LRRTM3: variants seen among roughly 807,000 people sequenced by gnomAD.
The protein encoded by LRRTM3 is leucine-rich repeat transmembrane neuronal protein 3.
In LRRTM3, 24 loss-of-function variants were observed where a neutral mutation model predicts 44.7. That is an observed-to-expected ratio of 0.54 (90% CI 0.39 to 0.76). LRRTM3 has a LOEUF of 0.76. LRRTM3 is among the 30% of genes least tolerant of loss of function. The pLI is 0.00. For missense variants in LRRTM3, 587 were observed against 702.2 expected (o/e 0.84, Z 1.85); for synonymous variants, 277 against 278.7 (o/e 0.99, Z 0.06).
intron 2 of LRRTM3, among the ~76,000 whole-genome samples, chr10:67,010,334 AATGTTTTAAAATTGTTTTAAAAT>A (rs1000720863): frequency 4.6e-5 from 7 of 152,198 alleles, no homozygotes; most frequent in African/African-American, 1.7e-4. Flanking sequence ...AAAATCCAAC[AATGTTTTAAAATTGTTTTAAAAT>A]ATGTTTTAAA....
At chr10:66,990,070 G>A (rs966770941) in intron 2 of LRRTM3, among the ~76,000 whole-genome samples, 2 of 152,164 alleles carry the variant, frequency 1.3e-5, no homozygotes, top group Non-Finnish European at 2.9e-5. Context: ...ATCTCACTAT[G>A]AGATGGGTTG....
chr10:66,964,471 T>C (rs145311048), intron 2 of LRRTM3, among the ~76,000 whole-genome samples: 30 of 152,320 alleles, frequency 2.0e-4, no homozygotes, highest in African/African-American at 7.2e-4. Flanking sequence ...CATCAGATGA[T>C]AACAATTGTA....
At chr10:67,000,651 G>A (rs554657081) in intron 2 of LRRTM3, among the ~76,000 whole-genome samples, 210 of 152,222 alleles carry the variant, frequency 1.4e-3, no homozygotes, top group African/African-American at 4.8e-3. Flanking sequence ...TATTACAGGA[G>A]TCTTTACATT....
chr10:67,065,662 T>C (rs1234199379), intron 2 of LRRTM3, among the ~76,000 whole-genome samples: 2 of 152,062 alleles, frequency 1.3e-5, no homozygotes, highest in Admixed American at 1.3e-4. Flanking sequence ...TGGTCCTCCA[T>C]GCCCTTTCCC....
intron 2 of LRRTM3, among the ~76,000 whole-genome samples, chr10:66,942,383 A>G (rs192452694): frequency 6.6e-5 from 10 of 152,346 alleles, no homozygotes; most frequent in Non-Finnish European, 1.3e-4. Context: ...GACTTGCTCT[A>G]TTAAGTATTC....
At chr10:67,093,957 T>C (rs778263782) in intron 2 of LRRTM3, among the ~76,000 whole-genome samples, 5 of 151,984 alleles carry the variant, frequency 3.3e-5, no homozygotes, top group Non-Finnish European at 5.9e-5. Context: ...AATACCGTGA[T>C]GTCAGGCAGC....
intron 2 of LRRTM3, among the ~76,000 whole-genome samples, chr10:67,030,307 C>A (rs903035782): frequency 1.2e-4 from 18 of 152,122 alleles, no homozygotes; most frequent in African/African-American, 4.1e-4. Context: ...AGTTCTAAAG[C>A]AATCTGCATA....
chr10:67,016,036 T>C (rs1852637684), intron 2 of LRRTM3, among the ~76,000 whole-genome samples: 1 of 152,232 alleles, frequency 6.6e-6, no homozygotes, highest in East Asian at 1.9e-4. Context: ...TACTCTCTTC[T>C]TTGAATTCAT....
chr10:66,987,480 C>A (rs1295468545), intron 2 of LRRTM3, among the ~76,000 whole-genome samples: 4 of 152,012 alleles, frequency 2.6e-5, no homozygotes, highest in Non-Finnish European at 5.9e-5. Flanking sequence ...TCCGAGATGC[C>A]CAGAAAGACT....
chr10:66,942,574 C>G (rs927356244), intron 2 of LRRTM3, among the ~76,000 whole-genome samples: 7 of 141,650 alleles, frequency 4.9e-5, no homozygotes, highest in African/African-American at 1.8e-4. Flanking sequence ...CTCTCTCTCT[C>G]TCTGTGTGTG....
chr10:67,101,135 T>C lies in LRRTM3; in HGVS notation c.*3339T>C, dbSNP rs1858312765. Among the ~76,000 whole-genome samples the C allele has an allele frequency of 6.6e-6, 1 of 151,682 alleles. No homozygotes were observed. Among genetic ancestry groups the C allele is most frequent in the Non-Finnish European group, 1.5e-5 (1 of 67,782 alleles). ...ATTTCTTAACATACAAGTTCGTTTG[T>C]GAATGTGCAGAACAGATGCTCCCAA... On this transcript the variant is annotated 3_prime_UTR_variant, in exon 3 of 3. Coordinates refer to ENST00000361320, the MANE Select transcript of LRRTM3 (RefSeq NM_178011.5).
intron 2 of LRRTM3, among the ~76,000 whole-genome samples, chr10:67,011,537 T>C (rs912718651): frequency 1.3e-5 from 2 of 152,176 alleles, no homozygotes; most frequent in Non-Finnish European, 1.5e-5. Context: ...TCAATATTTA[T>C]GGAAACTTTC....
chr10:67,059,033 A>G (rs1198683180), intron 2 of LRRTM3, among the ~76,000 whole-genome samples: 1 of 152,178 alleles, frequency 6.6e-6, no homozygotes, highest in East Asian at 1.9e-4. Context: ...GCCTTCTAAG[A>G]AGGACATTTC....
intron 2 of LRRTM3, among the ~76,000 whole-genome samples, chr10:67,043,686 A>G (rs985696782): frequency 4.3e-4 from 65 of 152,054 alleles, no homozygotes; most frequent in African/African-American, 1.5e-3. Flanking sequence ...TTAATCTCCC[A>G]CTGCTCCTAA....
Position 66,928,422 on chromosome 10 carries a change from C to G in LRRTM3, c.1506C>G (p.Thr502=). ...TGCTGAATGGGACGGGACCCTGCAC[C>G]TATAACAAATCGGGCTCCAGGGAGT... is the stretch of plus-strand genomic sequence containing the variant. ...EMLLNGTGPC[T]YNKSGSRECE... The change falls in exon 2 of 3, where the codon ACC becomes ACG. Residue 502 remains threonine (T), a synonymous_variant. Coordinates refer to ENST00000361320, the MANE Select transcript of LRRTM3 (RefSeq NM_178011.5). 4 of 1,611,068 alleles carry G rather than the reference C, an allele frequency of 2.5e-6. No individual in the cohort carries two copies. The highest frequency in any genetic ancestry group is 3.4e-6 in the Non-Finnish European group (4 of 1,179,050).
chr10:67,017,628 T>C (rs1852736328), intron 2 of LRRTM3, among the ~76,000 whole-genome samples: 1 of 152,182 alleles, frequency 6.6e-6, no homozygotes, highest in Non-Finnish European at 1.5e-5. Context: ...ATAGTTCTAA[T>C]GTTTGGAAGT....
At position 67,099,275 on chromosome 10, in the gene LRRTM3, T is replaced by A. The variant is rs1858194466; in HGVS notation, c.*1479T>A. Reference sequence around the variant, plus strand: ...GTTTGTGCTGTTTGCTTGACATAGGTTATTGTTTGAAAATATTGTTACTTT... The same window carrying A: ...GTTTGTGCTGTTTGCTTGACATAGGATATTGTTTGAAAATATTGTTACTTT... On this transcript the variant is annotated 3_prime_UTR_variant, in exon 3 of 3. Transcript: ENST00000361320. The A allele has an allele frequency of 1.3e-5, 2 of 151,734 alleles. No homozygotes were observed. The highest frequency in any genetic ancestry group is 1.3e-4 in the Admixed American group (2 of 15,190). 9.4% of individuals were successfully genotyped at this position (151,734 alleles called of 1,614,324 possible).
intron 2 of LRRTM3, among the ~76,000 whole-genome samples, chr10:67,074,107 C>A (rs1589699554): frequency 7.4e-6 from 1 of 134,324 alleles, no homozygotes; most frequent in Admixed American, 8.4e-5. Flanking sequence ...GCCATCTTGG[C>A]TCATTACAAC....
chr10:66,955,778 T>C (rs551582152), intron 2 of LRRTM3, among the ~76,000 whole-genome samples: 3 of 152,312 alleles, frequency 2.0e-5, no homozygotes, highest in Admixed American at 6.5e-5. Context: ...TCTTCATTGA[T>C]GGTATAAACA....
Sources: allele counts gnomAD v4.1 joint callset (sites outside exome capture counted in the v4.1 genomes callset), GRCh38; gene constraint gnomAD v4.1.1; transcripts MANE v1.5; gene names NCBI Gene and HGNC (gene_info 2026-07-23, HGNC 2026-07-21).